OSBPL9: variants seen among roughly 807,000 people sequenced by gnomAD.
OSBPL9 encodes the protein oxysterol-binding protein-related protein 9.
Under a neutral mutation model 106.6 loss-of-function variants are expected in OSBPL9, and 40 were observed. The observed-to-expected ratio is 0.38, with a 90% CI of 0.29 to 0.49. The LOEUF is 0.49. Among genes scored for constraint, OSBPL9 ranks in the 20% least tolerant of loss-of-function variants. OSBPL9 has a pLI of 0.97. For synonymous variants in OSBPL9, 269 were observed against 295.4 expected (o/e 0.91, Z 0.92); for missense variants, 609 against 887.2 (o/e 0.69, Z 3.98).
the OSBPL9 span, chr1:51,560,803 G>A: frequency 6.6e-6 from 1 of 152,162 alleles, no homozygotes; most frequent in African/African-American, 2.4e-5. Flanking sequence ...TCATGGCTGG[G>A]GCAATCACCC....
the OSBPL9 span, among the ~76,000 whole-genome samples, chr1:51,536,831 A>T: frequency 6.6e-6 from 1 of 152,242 alleles, no homozygotes; most frequent in Admixed American, 6.5e-5. Flanking sequence ...AGTGCATCAT[A>T]TGGGGAGAAA....
intron 3 of OSBPL9, among the ~76,000 whole-genome samples, chr1:51,684,289 C>G (rs1337314860): frequency 6.6e-6 from 1 of 151,644 alleles, no homozygotes; most frequent in Non-Finnish European, 1.5e-5. Flanking sequence ...GAATACAGGT[C>G]CGAGCCATGA....
chr1:51,769,650 G>C (rs886908215), intron 12 of OSBPL9, among the ~76,000 whole-genome samples: 3 of 152,178 alleles, frequency 2.0e-5, no homozygotes, highest in Non-Finnish European at 2.9e-5. Context: ...GCCCATTGCA[G>C]ATAAAACTTT....
chr1:51,529,308 C>T, the OSBPL9 span, among the ~76,000 whole-genome samples: 1,112 of 151,882 alleles, frequency 7.3e-3, 14 homozygotes, highest in African/African-American at 0.026. Context: ...GGCACGATCT[C>T]GGTTCACTGC....
At chr1:51,708,263 TC>T (rs1659030528) in intron 3 of OSBPL9, 1 of 144,466 alleles carries the variant, frequency 6.9e-6, no homozygotes. Flanking sequence ...TTTTTCTTTT[TC>T]TTTTTTTTTT....
chr1:51,591,094 ATT>A (rs912321190), intron 1 of OSBPL9, among the ~76,000 whole-genome samples: 2 of 151,660 alleles, frequency 1.3e-5, no homozygotes, highest in African/African-American at 4.8e-5. Flanking sequence ...AATTTTTTGT[ATT>A]TTTAGTAGAG....
intron 1 of OSBPL9, among the ~76,000 whole-genome samples, chr1:51,647,870 T>A (rs1225179103): frequency 6.6e-6 from 1 of 152,108 alleles, no homozygotes; most frequent in Non-Finnish European, 1.5e-5. Context: ...GTCCCAGCAC[T>A]TTGGGAGGCT....
chr1:51,755,044 T>G (rs952050975), intron 8 of OSBPL9, among the ~76,000 whole-genome samples: 4 of 152,158 alleles, frequency 2.6e-5, no homozygotes, highest in Admixed American at 2.6e-4. Flanking sequence ...TGGCTTCAAG[T>G]GATTCTCCGT....
chr1:51,545,785 G>C, the OSBPL9 span, among the ~76,000 whole-genome samples: 1 of 152,016 alleles, frequency 6.6e-6, no homozygotes, highest in African/African-American at 2.4e-5. Context: ...CAACTGCAGA[G>C]AAAAATCAAG....
At position 51,740,243 on chromosome 1, in the gene OSBPL9, C is replaced by T. The variant is rs1050780530; in HGVS notation, c.319-5293C>T. The T allele has an allele frequency of 3.0e-5, 45 of 1,491,512 alleles. No individual in the cohort carries two copies. The African/African-American group carries it at 6.2e-4, about 20-fold the overall frequency. The allele number at this position is 1,491,512 out of a possible 1,614,324, so 92.4% of individuals were successfully genotyped here. ...GATTGAATTGTAAGTATGCTCTATA[C>T]TTCTTTCATTGGATGAAAGCTTATC... is the stretch of plus-strand genomic sequence containing the variant. On this transcript the variant is annotated intron_variant, in intron 4 of 23. Transcript: ENST00000428468.
the OSBPL9 span, among the ~76,000 whole-genome samples, chr1:51,568,854 A>G: frequency 6.6e-6 from 1 of 152,164 alleles, no homozygotes; most frequent in African/African-American, 2.4e-5. Context: ...CTGGTATTAC[A>G]GGTGCTAGCC....
At chr1:51,540,472 T>G in the OSBPL9 span, among the ~76,000 whole-genome samples, 1 of 151,588 alleles carries the variant, frequency 6.6e-6, no homozygotes, top group Non-Finnish European at 1.5e-5. Flanking sequence ...CTGGCCAACA[T>G]TGTGAAACCC....
At chr1:51,708,490 A>C (rs1376233445) in intron 3 of OSBPL9, among the ~76,000 whole-genome samples, 1 of 152,006 alleles carries the variant, frequency 6.6e-6, no homozygotes, top group African/African-American at 2.4e-5. Flanking sequence ...GACTGTTTAA[A>C]TCTTCTATGT....
At chr1:51,718,516 A>G (rs572891245) in intron 4 of OSBPL9, among the ~76,000 whole-genome samples, 1 of 152,258 alleles carries the variant, frequency 6.6e-6, no homozygotes, top group Non-Finnish European at 1.5e-5. Context: ...TGTTTTTGCT[A>G]TCACCTTTAG....
intron 1 of OSBPL9, among the ~76,000 whole-genome samples, chr1:51,578,317 C>T (rs1314553611): frequency 6.6e-6 from 1 of 152,132 alleles, no homozygotes; most frequent in Non-Finnish European, 1.5e-5. Flanking sequence ...GAACTCAAAA[C>T]TTCTCAGTGC....
chr1:51,610,119 G>A (rs1643975935), intron 2 of OSBPL9, among the ~76,000 whole-genome samples: 1 of 152,188 alleles, frequency 6.6e-6, no homozygotes, highest in Non-Finnish European at 1.5e-5. Flanking sequence ...AGGACGCTGT[G>A]AGATAATTGC....
chr1:51,560,346 T>C, the OSBPL9 span, among the ~76,000 whole-genome samples: 2 of 152,232 alleles, frequency 1.3e-5, no homozygotes, highest in Admixed American at 6.5e-5. Context: ...CTGTGTGCTC[T>C]TGGACATGTC....
chr1:51,565,862 C>T, the OSBPL9 span: 1 of 152,252 alleles, frequency 6.6e-6, no homozygotes, highest in Non-Finnish European at 1.5e-5. Context: ...GCACTGATCA[C>T]ATATTTTGAT....
upstream of OSBPL9, among the ~76,000 whole-genome samples, chr1:51,574,258 A>C (rs1645170191): frequency 6.6e-6 from 1 of 152,206 alleles, no homozygotes; most frequent in South Asian, 2.1e-4. Flanking sequence ...CTTCTACTTT[A>C]ATATCCTACT....
Sources: gnomAD v4.1 joint callset for allele counts (sites outside exome capture counted in the v4.1 genomes callset) on GRCh38, gnomAD v4.1.1 for gene constraint, MANE v1.5 for transcripts, NCBI Gene and HGNC (gene_info 2026-07-23, HGNC 2026-07-21) for gene names.